RAB31: variants seen among roughly 807,000 people sequenced by gnomAD.
RAB31 encodes the protein ras-related protein Rab-31.
RAB31 carries 21 observed loss-of-function variants against 25.6 expected under a neutral mutation model. The ratio of observed to expected loss-of-function variants is 0.82; its 90% CI spans 0.58 to 1.18. The LOEUF (loss-of-function observed/expected upper bound fraction) is 1.18. Among genes scored for constraint, RAB31 ranks in the 50% most tolerant of loss-of-function variants. The pLI, the probability that RAB31 is intolerant of heterozygous loss-of-function variation, is 0.00. For missense variants in RAB31, 196 were observed against 250.1 expected (o/e 0.78, Z 1.46); for synonymous variants, 87 against 84.0 (o/e 1.04, Z -0.20).
chr18:9,857,640 T>TATAGATAGATAG (rs369031976), intron 6 of RAB31, among the ~76,000 whole-genome samples: 71 of 129,314 alleles, frequency 5.5e-4, no homozygotes, highest in East Asian at 1.2e-3. Flanking sequence ...TAGCCAATAA[T>TATAGATAGATAG]ATAGATAGAT....
intron 1 of RAB31, among the ~76,000 whole-genome samples, chr18:9,759,134 C>T (rs1321263510): frequency 6.6e-6 from 1 of 152,062 alleles, no homozygotes; most frequent in African/African-American, 2.4e-5. Flanking sequence ...CATGGCGGCT[C>T]GGCTATGTAG....
intron 3 of RAB31, among the ~76,000 whole-genome samples, chr18:9,798,405 T>TTTGAGCTAAAATTA (rs1270521609): frequency 6.6e-6 from 1 of 152,224 alleles, no homozygotes; most frequent in African/African-American, 2.4e-5. Context: ...TGTTGCCTAA[T>TTTGAGCTAAAATTA]GTTTGAGCTA....
chr18:9,803,758 G>A (rs1272330272), intron 3 of RAB31, among the ~76,000 whole-genome samples: 1 of 152,246 alleles, frequency 6.6e-6, no homozygotes, highest in Non-Finnish European at 1.5e-5. Flanking sequence ...AAAGCAAAGT[G>A]TGAGCAGAGG....
chr18:9,794,187 T>G (rs4798859), intron 3 of RAB31, among the ~76,000 whole-genome samples: 139,803 of 152,276 alleles, frequency 0.92, 65,404 homozygotes, highest in East Asian at 1. Flanking sequence ...GAGCTACCAT[T>G]TGGGGCCTTA....
At chr18:9,822,050 A>G (rs543946832) in intron 5 of RAB31, among the ~76,000 whole-genome samples, 5 of 152,356 alleles carry the variant, frequency 3.3e-5, no homozygotes, top group Non-Finnish European at 7.4e-5. Flanking sequence ...ACTCTGTTCT[A>G]TATGAAGGCT....
intron 5 of RAB31, among the ~76,000 whole-genome samples, chr18:9,826,542 A>T: frequency 6.6e-6 from 1 of 152,146 alleles, no homozygotes; most frequent in East Asian, 1.9e-4. Context: ...CCAGGAGAAG[A>T]GATGTGATTG....
intron 1 of RAB31, among the ~76,000 whole-genome samples, chr18:9,729,082 A>G (rs889225840): frequency 2.0e-5 from 3 of 152,030 alleles, no homozygotes; most frequent in African/African-American, 7.2e-5. Context: ...TGTATTGCAT[A>G]TGTTTTTCCT....
intron 1 of RAB31, among the ~76,000 whole-genome samples, chr18:9,746,090 A>G (rs537040328): frequency 6.1e-4 from 93 of 152,386 alleles, no homozygotes; most frequent in African/African-American, 2.2e-3. Flanking sequence ...CAAGTTAAAC[A>G]TGCAAAAATA....
At chr18:9,742,407 G>A (rs1599020378) in intron 1 of RAB31, among the ~76,000 whole-genome samples, 1 of 152,172 alleles carries the variant, frequency 6.6e-6, no homozygotes, top group Non-Finnish European at 1.5e-5. Flanking sequence ...ATGAGACAGA[G>A]GAATAGCAAG....
chr18:9,842,117 A>C (rs933831522), intron 5 of RAB31, among the ~76,000 whole-genome samples: 1 of 152,074 alleles, frequency 6.6e-6, no homozygotes, highest in Non-Finnish European at 1.5e-5. Context: ...TGGGACAAGG[A>C]GCTTCCAGCC....
chr18:9,735,593 C>G (rs12955768), intron 1 of RAB31: 26,744 of 181,236 alleles, frequency 0.15, 2,104 homozygotes, highest in South Asian at 0.15. Flanking sequence ...CTTCCTCAGT[C>G]TGGATGGCAT....
At chr18:9,728,445 C>T (rs2068105815) in intron 1 of RAB31, among the ~76,000 whole-genome samples, 3 of 152,180 alleles carry the variant, frequency 2.0e-5, no homozygotes, top group Admixed American at 2.0e-4. Context: ...CAAAATTAAC[C>T]TCAAATATTG....
intron 1 of RAB31, among the ~76,000 whole-genome samples, chr18:9,740,088 A>C (rs1256004082): frequency 6.6e-6 from 1 of 152,224 alleles, no homozygotes; most frequent in East Asian, 1.9e-4. Flanking sequence ...CTAATGGATG[A>C]ATCCTGACTC....
chr18:9,776,643 G>A (rs374013442), intron 2 of RAB31, among the ~76,000 whole-genome samples: 1 of 152,158 alleles, frequency 6.6e-6, no homozygotes, highest in Non-Finnish European at 1.5e-5. Flanking sequence ...AGGGATGCTG[G>A]CAGAAGACAG....
At chr18:9,809,865 C>T (rs937665217) in intron 3 of RAB31, among the ~76,000 whole-genome samples, 1 of 152,152 alleles carries the variant, frequency 6.6e-6, no homozygotes, top group African/African-American at 2.4e-5. Context: ...ACACATTGTC[C>T]AGCTGCTTTC....
At chr18:9,790,584 G>A (rs1232440740) in intron 2 of RAB31, among the ~76,000 whole-genome samples, 4 of 151,946 alleles carry the variant, frequency 2.6e-5, no homozygotes, top group Non-Finnish European at 5.9e-5. Context: ...ATCCAGCCAA[G>A]GTTCATATAT....
chr18:9,798,493 A>G (rs928160167), intron 3 of RAB31, among the ~76,000 whole-genome samples: 5 of 152,138 alleles, frequency 3.3e-5, no homozygotes, highest in African/African-American at 1.2e-4. Context: ...CGTGAATTTT[A>G]TTACCCCTCT....
chr18:9,733,458 T>C (rs2068133438), intron 1 of RAB31, among the ~76,000 whole-genome samples: 1 of 152,212 alleles, frequency 6.6e-6, no homozygotes, highest in Admixed American at 6.5e-5. Flanking sequence ...TCCTGGAAGA[T>C]GGCTCTTCCT....
At chr18:9,768,419 T>C (rs1258813536) in intron 1 of RAB31, among the ~76,000 whole-genome samples, 2 of 152,246 alleles carry the variant, frequency 1.3e-5, no homozygotes, top group Non-Finnish European at 2.9e-5. Flanking sequence ...GGCATTTCAT[T>C]GTGGTTTTGA....
Sources: gnomAD v4.1 joint callset for allele counts (sites outside exome capture counted in the v4.1 genomes callset) on GRCh38, gnomAD v4.1.1 for gene constraint, MANE v1.5 for transcripts, NCBI Gene and HGNC (gene_info 2026-07-23, HGNC 2026-07-21) for gene names.